COL12A1: variants seen among roughly 807,000 people sequenced by gnomAD.
COL12A1 encodes collagen alpha-1(XII) chain.
A neutral mutation model predicts 349.7 loss-of-function variants in COL12A1; 114 were observed. The observed-to-expected ratio is 0.33, with a 90% CI of 0.28 to 0.38. The LOEUF (loss-of-function observed/expected upper bound fraction) is 0.38. Among genes scored for constraint, COL12A1 ranks in the 10% least tolerant of loss-of-function variants. The pLI is 1.00. For synonymous variants in COL12A1, 1,369 were observed against 1,329.0 expected (o/e 1.03, Z -0.66); for missense variants, 3,284 against 3,756.9 (o/e 0.87, Z 3.29).
At chr6:75,199,829 A>G (rs1276317960) in intron 2 of COL12A1, among the ~76,000 whole-genome samples, 1 of 152,220 alleles carries the variant, frequency 6.6e-6, no homozygotes, top group East Asian at 1.9e-4. Context: ...TATAGCTCCT[A>G]ATACAAATAA....
intron 31 of COL12A1, among the ~76,000 whole-genome samples, chr6:75,136,608 A>G (rs1162942106): frequency 1.3e-5 from 2 of 152,232 alleles, no homozygotes; most frequent in Non-Finnish European, 2.9e-5. Context: ...CTAAGGCTAT[A>G]TAAGAAAATA....
intron 58 of COL12A1, among the ~76,000 whole-genome samples, chr6:75,098,393 C>T (rs1439142522): frequency 6.6e-6 from 1 of 152,182 alleles, no homozygotes; most frequent in Non-Finnish European, 1.5e-5. Flanking sequence ...ATGGCTCATG[C>T]CTGCAATCCC....
chr6:75,156,108 A>G (rs1397372434), intron 15 of COL12A1, 149 bp downstream of exon 15: 2 of 1,057,380 alleles, frequency 1.9e-6, no homozygotes, highest in African/African-American at 1.6e-5. Flanking sequence ...ATTGGTAAAA[A>G]TAACATGTTA....
Position 75,165,631 on chromosome 6 carries a change from C to T in COL12A1, c.2859G>A (p.Leu953=). Residue 953 remains leucine, a synonymous_variant, in exon 14 of 66, where the codon CTG becomes CTA. Coordinates refer to ENST00000322507, the MANE Select transcript of COL12A1 (RefSeq NM_004370.6). ...YDDVDTGEKN[L]PEDAIHTMIE... is the part of the protein sequence containing the mutation. ...TCATCGTATGAATTGCATCTTCAGG[C>T]AGATTTTTCTCTCCAGTGTCAACAT... 6.2e-7 allele frequency: 1 copy of T among 1,613,922 alleles called. No individual in the cohort carries two copies. The highest frequency in any genetic ancestry group is 1.1e-5 in the South Asian group (1 of 91,082).
In COL12A1 at chr6:75,135,604, T is replaced by C. The variant is rs192320080; in HGVS notation, c.5395-749A>G. ...TTATGTCATACTAATTAAAATCGCA[T>C]GAAAATGGCACACTGCCCAAAATGA... On this transcript the variant is annotated intron_variant, in intron 31 of 65. Transcript: ENST00000322507. Among the ~76,000 whole-genome samples, 7 of 152,326 alleles carry C rather than the reference T, an allele frequency of 4.6e-5. No homozygotes were observed. In the East Asian group the frequency reaches 1.4e-3, roughly 29 times the overall value.
At chr6:75,086,821 A>T (rs1436006905) in intron 65 of COL12A1, among the ~76,000 whole-genome samples, 6 of 151,928 alleles carry the variant, frequency 3.9e-5, no homozygotes, top group Admixed American at 3.9e-4. Flanking sequence ...ATGCATATAA[A>T]TATATAGATA....
intron 47 of COL12A1, among the ~76,000 whole-genome samples, 179 bp from the exon 48 acceptor site, chr6:75,116,236 ATACTAT>A (rs2149362014): frequency 6.6e-6 from 1 of 152,298 alleles, no homozygotes; most frequent in East Asian, 1.9e-4. Flanking sequence ...TGTAGGAGAA[ATACTAT>A]TAACCAGTGT....
chr6:75,087,226 T>A (rs905046011), intron 65 of COL12A1: 1 of 297,084 alleles, frequency 3.4e-6, no homozygotes. Flanking sequence ...AAATACATAT[T>A]CTTGGCATTT....
intron 58 of COL12A1, among the ~76,000 whole-genome samples, chr6:75,098,488 T>TA (rs1018091898): frequency 6.6e-6 from 1 of 151,914 alleles, no homozygotes; most frequent in African/African-American, 2.4e-5. Flanking sequence ...ACCCTGTCAC[T>TA]AAAAAAAGTG....
intron 59 of COL12A1, among the ~76,000 whole-genome samples, chr6:75,095,684 C>G (rs1767988992): frequency 6.7e-6 from 1 of 149,446 alleles, no homozygotes; most frequent in Non-Finnish European, 1.5e-5. Flanking sequence ...TTGACAACTA[C>G]AGTGCAATCC....
In COL12A1 at chr6:75,165,621, C is replaced by T; in HGVS notation, c.2869G>A (p.Ala957Thr). Residue 957 changes from alanine (A) to threonine (T), a missense_variant, in exon 14 of 66, where the codon GCA becomes ACA. Ala to Thr is a moderately conservative substitution (Grantham distance 58). This residue lies in a region of COL12A1 where 2,601 missense variants were observed against 2,824.8 expected (regional missense o/e 0.92). Transcript: ENST00000322507. Reference sequence around the variant, plus strand: ...AGATTTTCTATCATCGTATGAATTGCATCTTCAGGCAGATTTTTCTCTCCA... The same window carrying T: ...AGATTTTCTATCATCGTATGAATTGTATCTTCAGGCAGATTTTTCTCTCCA... ...DTGEKNLPED[A>T]IHTMIENLQP... The T allele has an allele frequency of 6.2e-7, 1 of 1,613,954 alleles. No homozygotes were observed. The highest frequency in any genetic ancestry group is 8.5e-7 in the Non-Finnish European group (1 of 1,179,908).
chr6:75,162,451 A>G (rs1301610920), intron 14 of COL12A1, among the ~76,000 whole-genome samples: 1 of 152,240 alleles, frequency 6.6e-6, no homozygotes, highest in African/African-American at 2.4e-5. Context: ...AAAACTGGCT[A>G]GCCATACACA....
At chr6:75,134,096 A>G (rs1766454095) in intron 32 of COL12A1, 99 bp from the exon 33 acceptor site, 1 of 1,310,554 alleles carries the variant, frequency 7.6e-7, no homozygotes, top group Non-Finnish European at 1.1e-6. Flanking sequence ...AGAACATAGC[A>G]GGCACCGCAC....
At chr6:75,172,268 G>A (rs745745059) in intron 13 of COL12A1, among the ~76,000 whole-genome samples, 4 of 152,094 alleles carry the variant, frequency 2.6e-5, no homozygotes, top group Admixed American at 6.5e-5. Context: ...TGTGCTTCCT[G>A]TAAAATTAAA....
intron 32 of COL12A1, among the ~76,000 whole-genome samples, chr6:75,134,334 C>T (rs1295169246): frequency 6.6e-6 from 1 of 152,016 alleles, no homozygotes; most frequent in Non-Finnish European, 1.5e-5. Flanking sequence ...TTTTGGGAGC[C>T]CAAGGCAGGT....
At chr6:75,191,054 C>T (rs191561442) in intron 5 of COL12A1, among the ~76,000 whole-genome samples, 78 of 151,870 alleles carry the variant, frequency 5.1e-4, no homozygotes, top group Non-Finnish European at 6.0e-4. Flanking sequence ...AAGGATCTAT[C>T]CCCATAAGTC....
chr6:75,126,389 G>A lies in COL12A1; in HGVS notation c.6422C>T (p.Ser2141Phe), dbSNP rs772205982. The A allele has an allele frequency of 1.4e-5, 23 of 1,611,358 alleles. No individual in the cohort carries two copies. The Admixed American group carries it at 3.7e-4, about 26-fold the overall frequency. Residue 2141 changes from serine to phenylalanine, a missense_variant, in exon 39 of 66, where the codon TCT becomes TTT. Physicochemically the swap from Ser to Phe is radical, Grantham distance 155. Transcript: ENST00000322507. ...RFRVSWDPSP[S>F]PVLGYKIVYK... ...TACTATTTTATATCCAAGAACTGGA[G>A]AAGGTGAAGGATCCCAGGACACCCT...
intron 57 of COL12A1, 160 bp from the exon 58 acceptor site, chr6:75,101,813 TCAA>T: frequency 1.0e-6 from 1 of 961,698 alleles, no homozygotes; most frequent in Non-Finnish European, 1.6e-6. Context: ...AGATGCTCAG[TCAA>T]CAAGCAGATA....
At chr6:75,109,760 G>T (rs1314384563) in intron 51 of COL12A1, among the ~76,000 whole-genome samples, 1 of 152,016 alleles carries the variant, frequency 6.6e-6, no homozygotes, top group Non-Finnish European at 1.5e-5. Flanking sequence ...TTTTTCGTTT[G>T]CTACTGAAGA....
Sources: gnomAD v4.1 joint callset for allele counts (sites outside exome capture counted in the v4.1 genomes callset) on GRCh38, gnomAD v4.1.1 for gene constraint, gnomAD v4.1.1 regional missense constraint, MANE v1.5 for transcripts, NCBI Gene and HGNC (gene_info 2026-07-23, HGNC 2026-07-21) for gene names.